ATXN7: variants seen among roughly 807,000 people sequenced by gnomAD.
ATXN7 encodes ataxin 7, also known as ataxin-7.
A neutral mutation model predicts 70.5 loss-of-function variants in ATXN7; 12 were observed. The observed-to-expected ratio is 0.17, with a 90% CI of 0.11 to 0.28. The LOEUF (loss-of-function observed/expected upper bound fraction) is 0.28, where lower values mean the gene tolerates loss of function less well. ATXN7 is among the 10% of genes least tolerant of loss of function. The pLI is 1.00. For synonymous variants in ATXN7, 498 were observed against 448.7 expected (o/e 1.11, Z -1.39); for missense variants, 1,256 against 1,131.7 (o/e 1.11, Z -1.58).
intron 1 of ATXN7, among the ~76,000 whole-genome samples, chr3:63,883,077 A>G (rs1702965515): frequency 6.6e-6 from 1 of 152,186 alleles, no homozygotes; most frequent in Non-Finnish European, 1.5e-5. Context: ...TCAGCATTGT[A>G]AAGGCTTGGC....
chr3:63,958,653 A>G (rs564367389), intron 5 of ATXN7, among the ~76,000 whole-genome samples: 1 of 151,958 alleles, frequency 6.6e-6, no homozygotes, highest in East Asian at 1.9e-4. Flanking sequence ...TTTTTGATAA[A>G]GAAAGAAAAT....
intron 4 of ATXN7, among the ~76,000 whole-genome samples, chr3:63,920,028 G>A (rs1442606275): frequency 2.0e-5 from 3 of 151,962 alleles, no homozygotes; most frequent in Non-Finnish European, 4.4e-5. Context: ...CAGGTCTTAG[G>A]AGTTATAGGA....
chr3:64,001,665 AT>A lies in ATXN7; in HGVS notation c.*2201del, dbSNP rs1298392794. The stretch of plus-strand genomic sequence containing the variant: ...ACTGAGGTTTTAAATGAATTTCATT[AT>A]TTCTCCCGGTAATACACAGAGCATC... On this transcript the variant is annotated 3_prime_UTR_variant, in exon 13 of 13. Transcript: ENST00000674280. 6.6e-6 allele frequency: 1 copy of A among 152,186 alleles called. No homozygotes were observed. Among genetic ancestry groups the A allele is most frequent in the East Asian group, 1.9e-4 (1 of 5,198 alleles). 9.4% of individuals were successfully genotyped at this position (152,186 alleles called of 1,614,324 possible). A position where few individuals can be genotyped will look rare whatever the true frequency, so the allele number is the denominator to read the frequency against.
chr3:63,912,461 G>A lies in ATXN7; in HGVS notation c.-11-127G>A, dbSNP rs549679788. 710 of 476,848 alleles carry A rather than the reference G, an allele frequency of 1.5e-3. 6 individuals are homozygous for A. The highest frequency in any genetic ancestry group is 0.014 in the African/African-American group (648 of 47,334). The allele number at this position is 476,848 out of a possible 1,614,324, so 29.5% of individuals were successfully genotyped here. Reference sequence around the variant, plus strand: ...GGAGGCGGGCTCGGGGGGCTGGGCGGCCATGGGGGCGCTGTCAGCGTGCCC... The same window carrying A: ...GGAGGCGGGCTCGGGGGGCTGGGCGACCATGGGGGCGCTGTCAGCGTGCCC... On this transcript the variant is annotated intron_variant, in intron 2 of 12. Transcript: ENST00000674280.
chr3:63,865,191 T>A (rs1390492403), intron 1 of ATXN7: 1 of 152,242 alleles, frequency 6.6e-6, no homozygotes, highest in African/African-American at 2.4e-5. Flanking sequence ...CAGATGCAAA[T>A]GTATTAAAGT....
rs555311496 is a variant in ATXN7 at position 63,913,997 on chromosome 3, G to A, written c.394+772G>A. 7.9e-5 allele frequency among the ~76,000 whole-genome samples: 12 copies of A among 152,260 alleles called. 1 individual carries two copies. In the East Asian group the frequency reaches 1.5e-3, roughly 20 times the overall value. Reference sequence around the variant, plus strand: ...TACCTGCACTAGGCCTGGGCATACCGTGGTCAGAAAGGACTTCTGAAGTCC... The same window carrying A: ...TACCTGCACTAGGCCTGGGCATACCATGGTCAGAAAGGACTTCTGAAGTCC... On this transcript the variant is annotated intron_variant, in intron 4 of 12. Transcript: ENST00000674280.
chr3:63,971,674 CAT>C (rs1256664633), intron 5 of ATXN7, among the ~76,000 whole-genome samples: 3 of 151,886 alleles, frequency 2.0e-5, no homozygotes, highest in Non-Finnish European at 4.4e-5. Context: ...AAAATATATA[CAT>C]ATATATATAA....
In ATXN7 at chr3:64,001,842, G is replaced by C. The variant is rs530110455; in HGVS notation, c.*2375G>C. The stretch of plus-strand genomic sequence containing the variant: ...GAATAATTAAGACCATTTAAAACAC[G>C]GGAGTACAAGTATTTTTTTGAATTA... On this transcript the variant is annotated 3_prime_UTR_variant, in exon 13 of 13. Coordinates refer to ENST00000674280, the MANE Select transcript of ATXN7 (RefSeq NM_001377405.1). 6.6e-6 allele frequency: 1 copy of C among 151,970 alleles called. No individual in the cohort carries two copies. The highest frequency in any genetic ancestry group is 2.4e-5 in the African/African-American group (1 of 41,390). 9.4% of individuals were successfully genotyped at this position (151,970 alleles called of 1,614,324 possible).
intron 1 of ATXN7, chr3:63,864,564 G>T (rs1246436451): frequency 1.3e-5 from 2 of 152,234 alleles, no homozygotes; most frequent in Non-Finnish European, 2.9e-5. Flanking sequence ...CGGGAAAAAG[G>T]GTGAAAGAGA....
At chr3:63,926,396 A>G (rs1306148061) in intron 4 of ATXN7, among the ~76,000 whole-genome samples, 1 of 152,196 alleles carries the variant, frequency 6.6e-6, no homozygotes, top group East Asian at 1.9e-4. Context: ...GTAGGATGTG[A>G]GAGCTTCAGT....
intron 4 of ATXN7, among the ~76,000 whole-genome samples, chr3:63,949,256 C>CT (rs763880324): frequency 0.021 from 2,873 of 135,216 alleles, 24 homozygotes; most frequent in Middle Eastern, 0.049. Flanking sequence ...TATAGAATTC[C>CT]TTTTTTTTTT....
intron 4 of ATXN7, among the ~76,000 whole-genome samples, chr3:63,933,466 C>T (rs1310458142): frequency 2.6e-5 from 4 of 152,016 alleles, no homozygotes; most frequent in Non-Finnish European, 4.4e-5. Context: ...TTTTTTAATC[C>T]ACACAAAATC....
Position 63,912,710 on chromosome 3 carries a change from CAGCA to C in ATXN7, c.113_116del (p.Gln38ArgfsTer51). The C allele has an allele frequency of 5.0e-6, 6 of 1,208,190 alleles. No homozygotes were observed. The South Asian group carries it at 9.7e-5, about 20-fold the overall frequency. 74.8% of individuals were successfully genotyped at this position (1,208,190 alleles called of 1,614,324 possible). A position where few individuals can be genotyped will look rare whatever the true frequency, so the allele number is the denominator to read the frequency against. ...GCAGCAGCAGCAGCAGCAGCAGCAG[CAGCA>C]GCCGCCGCCTCCGCAGCCCCAGCGG... On this transcript the variant is annotated frameshift_variant, in exon 3 of 13. Coordinates refer to ENST00000674280, the MANE Select transcript of ATXN7 (RefSeq NM_001377405.1). LOFTEE classifies it high-confidence loss of function.
intron 4 of ATXN7, among the ~76,000 whole-genome samples, chr3:63,949,469 G>T (rs561773354): frequency 1.3e-5 from 2 of 152,020 alleles, no homozygotes; most frequent in Non-Finnish European, 2.9e-5. Context: ...CGCAATCTTG[G>T]CTCATGGCAA....
intron 1 of ATXN7, among the ~76,000 whole-genome samples, chr3:63,881,202 G>T (rs747754065): frequency 6.6e-6 from 1 of 152,096 alleles, no homozygotes; most frequent in Non-Finnish European, 1.5e-5. Context: ...TTAAACTCTG[G>T]TCTGTTTAAT....
chr3:63,996,565 T>C, intron 12 of ATXN7, 82 bp downstream of exon 12: 2 of 1,485,106 alleles, frequency 1.3e-6, no homozygotes, highest in East Asian at 2.5e-5. Context: ...ATGTGTTTGG[T>C]TGGGTTGGTT....
rs10557844 is a variant in ATXN7, at chr3:63,964,073, A to AACACAC, written c.499+11621_499+11626dup. Among the ~76,000 whole-genome samples, 802 of 147,162 alleles carry AACACAC rather than the reference A, an allele frequency of 5.4e-3. 6 individuals are homozygous for AACACAC. Among genetic ancestry groups the AACACAC allele is most frequent in the African/African-American group, 0.018 (710 of 40,176 alleles). On this transcript the variant is annotated intron_variant, in intron 5 of 12. Transcript: ENST00000674280. ...TCTTACAATGTTCCTTAGACACATA[A>AACACAC]ACACACACACACACACACACACACA...
chr3:63,943,794 C>T (rs2074810902), intron 4 of ATXN7, among the ~76,000 whole-genome samples: 1 of 152,180 alleles, frequency 6.6e-6, no homozygotes. Flanking sequence ...TCCATGGTCT[C>T]CTGAGCTCTT....
rs186693908 is a variant in ATXN7 at position 63,977,189 on chromosome 3, C to A, written c.500-2726C>A. Among the ~76,000 whole-genome samples, 8 of 152,244 alleles carry A rather than the reference C, an allele frequency of 5.3e-5. No individual in the cohort carries two copies. The East Asian group carries it at 1.5e-3, about 29-fold the overall frequency. On this transcript the variant is annotated intron_variant, in intron 5 of 12. Transcript: ENST00000674280. ...TTCTGTGTTCACCTGGTATTTCTTACAGACAAAAATCATGAAAAAGCGAAT... is the reference window on the plus strand; with the variant it reads ...TTCTGTGTTCACCTGGTATTTCTTAAAGACAAAAATCATGAAAAAGCGAAT...
Sources: gnomAD v4.1 joint callset for allele counts (sites outside exome capture counted in the v4.1 genomes callset) on GRCh38, gnomAD v4.1.1 for gene constraint, MANE v1.5 for transcripts, NCBI Gene and HGNC (gene_info 2026-07-23, HGNC 2026-07-21) for gene names.